The following EIF4G2 variants were observed in gnomAD, a reference collection of about 807,000 sequenced individuals.
The protein encoded by EIF4G2 is eukaryotic translation initiation factor 4 gamma 2.
A neutral mutation model predicts 117.7 loss-of-function variants in EIF4G2; 8 were observed. The observed-to-expected ratio is 0.07, with a 90% CI of 0.04 to 0.12. The LOEUF (loss-of-function observed/expected upper bound fraction) is 0.12. Ranked by LOEUF, EIF4G2 falls within the 10% of genes least tolerant of loss-of-function variation. EIF4G2 has a pLI of 1.00. For missense variants in EIF4G2, 812 were observed against 1,086.2 expected (o/e 0.75, Z 3.55); for synonymous variants, 413 against 367.8 (o/e 1.12, Z -1.41).
In EIF4G2 at chr11:10,807,222, CAAAAGGATTCCCCAAAATA is replaced by C; in HGVS notation, c.41+14_41+32del. The C allele has an allele frequency of 2.5e-6, 4 of 1,592,888 alleles. No individual in the cohort carries two copies. Among genetic ancestry groups the C allele is most frequent in the Non-Finnish European group, 3.4e-6 (4 of 1,171,820 alleles). ...AACTACTTTTTGAGACTGGCCTTTT[CAAAAGGATTCCCCAAAATA>C]AATCTACAAGTACCTGAAACGAGAA... On this transcript the variant is annotated intron_variant, in intron 2 of 21. Coordinates refer to ENST00000339995, the MANE Select transcript of EIF4G2 (RefSeq NM_001418.4).
intron 14 of EIF4G2, 82 bp from the exon 15 acceptor site, chr11:10,801,169 C>T (rs1847405751): frequency 1.9e-6 from 3 of 1,549,206 alleles, no homozygotes; most frequent in Admixed American, 1.9e-5. Flanking sequence ...AAATCCTATA[C>T]AGTGACAGAA....
chr11:10,800,765 G>A lies in EIF4G2; in HGVS notation c.1610C>T (p.Pro537Leu). 1 of 1,614,116 alleles carries A rather than the reference G, an allele frequency of 6.2e-7. No individual in the cohort carries two copies. Among genetic ancestry groups the A allele is most frequent in the Non-Finnish European group, 8.5e-7 (1 of 1,180,018 alleles). Residue 537 changes from proline (P) to leucine (L), a missense_variant, in exon 16 of 22, where the codon CCA becomes CTA. By Grantham distance (98) the Pro-to-Leu change is moderately conservative. Coordinates refer to ENST00000339995, the MANE Select transcript of EIF4G2 (RefSeq NM_001418.4). ...AAGGAGTTCTTCCTTTGACGGTGGT[G>A]GCTTTTTGCTGGTCTTGGCAGGCTT...
chr11:10,808,036 G>A lies in EIF4G2; in HGVS notation c.-86-655C>T, dbSNP rs552394037. 2.1e-3 allele frequency: 2,114 copies of A among 1,027,602 alleles called. 2 individuals are homozygous for A. Among genetic ancestry groups the A allele is most frequent in the Non-Finnish European group, 2.0e-3 (1,745 of 854,718 alleles). 63.7% of individuals were successfully genotyped at this position (1,027,602 alleles called of 1,614,324 possible). A position where few individuals can be genotyped will look rare whatever the true frequency, so the allele number is the denominator to read the frequency against. ...CCCCGCGAGGCCCGGGTCGCTCGAC[G>A]GGGAGGAGCAGCTGAGGCCACCCCC... is the stretch of plus-strand genomic sequence containing the variant. On this transcript the variant is annotated intron_variant, in intron 1 of 21. Transcript: ENST00000339995.
chr11:10,802,775 G>A (rs1287173899), intron 11 of EIF4G2, among the ~76,000 whole-genome samples: 1 of 152,164 alleles, frequency 6.6e-6, no homozygotes, highest in Non-Finnish European at 1.5e-5. Flanking sequence ...GCTGAAGCAG[G>A]AGAATCACTT....
rs1847294474 is a variant in EIF4G2 at position 10,797,631 on chromosome 11, T to C, written c.*185A>G. On this transcript the variant is annotated 3_prime_UTR_variant, in exon 22 of 22. Coordinates refer to ENST00000339995, the MANE Select transcript of EIF4G2 (RefSeq NM_001418.4). This position sits in a 1 kb window ranked among gnomAD's most constrained non-coding sequence, Gnocchi z 4.5. ...AAGATACTCCTAAAATATTTGATGGTAGACTATGATTAAGACATTACACTA... is the reference window on the plus strand; with the variant it reads ...AAGATACTCCTAAAATATTTGATGGCAGACTATGATTAAGACATTACACTA... 1 of 615,262 alleles carries C rather than the reference T, an allele frequency of 1.6e-6. No homozygotes were observed. Among genetic ancestry groups the C allele is most frequent in the Admixed American group, 3.0e-5 (1 of 32,812 alleles). 38.1% of individuals were successfully genotyped at this position (615,262 alleles called of 1,614,324 possible). A position where few individuals can be genotyped will look rare whatever the true frequency, so the allele number is the denominator to read the frequency against.
chr11:10,800,890 G>T, intron 15 of EIF4G2, 55 bp from the exon 16 acceptor site: 2 of 1,612,056 alleles, frequency 1.2e-6, no homozygotes, highest in Non-Finnish European at 1.7e-6. Context: ...GAAATTAGGG[G>T]GAAGAACACA....
intron 11 of EIF4G2, among the ~76,000 whole-genome samples, 157 bp downstream of exon 11, chr11:10,802,873 T>TA (rs1023591204): frequency 2.6e-5 from 4 of 151,662 alleles, no homozygotes; most frequent in Admixed American, 2.6e-4. Flanking sequence ...TCTCAAAAAA[T>TA]AAAAAAATAA....
chr11:10,798,080 T>TTG (rs1341894227), intron 21 of EIF4G2, among the ~76,000 whole-genome samples, 199 bp from the exon 22 acceptor site: 2 of 152,236 alleles, frequency 1.3e-5, no homozygotes, highest in Non-Finnish European at 2.9e-5. Context: ...CCTGCAAGGA[T>TTG]GATCCTCGTG....
In EIF4G2 at chr11:10,804,970, A is replaced by G; in HGVS notation, c.294T>C (p.Leu98=). ...ACTCTACACCCACATTGAGGAGCTC[A>G]AGGCATAGCTTGTCAAACTTTTCAG... Residue 98 remains leucine (L), a synonymous_variant, in exon 5 of 22, where the codon CTT becomes CTC. Coordinates refer to ENST00000339995, the MANE Select transcript of EIF4G2 (RefSeq NM_001418.4). The G allele has an allele frequency of 6.2e-7, 1 of 1,613,686 alleles. No homozygotes were observed. The highest frequency in any genetic ancestry group is 8.5e-7 in the Non-Finnish European group (1 of 1,179,582).
At position 10,802,280 on chromosome 11, in the gene EIF4G2, T is replaced by G. The variant is rs1470765273; in HGVS notation, c.1138+14A>C. On this transcript the variant is annotated intron_variant, in intron 12 of 21. Transcript: ENST00000339995. ...TTTTTCAGCTTAACGCAACCATTGT[T>G]TTTTCAAAATTACCTGGCATTTGTC... 1 of 1,611,284 alleles carries G rather than the reference T, an allele frequency of 6.2e-7. No homozygotes were observed. Among genetic ancestry groups the G allele is most frequent in the Non-Finnish European group, 8.5e-7 (1 of 1,178,620 alleles).
Position 10,800,277 on chromosome 11 carries a change from T to C in EIF4G2, c.1932A>G (p.Ala644=), listed in dbSNP as rs747571339. The C allele has an allele frequency of 5.0e-6, 8 of 1,614,114 alleles. No homozygotes were observed. In the African/African-American group the frequency reaches 5.3e-5, roughly 11 times the overall value. Residue 644 remains alanine (A), a synonymous_variant, in exon 18 of 22, where the codon GCA becomes GCG. Coordinates refer to ENST00000339995, the MANE Select transcript of EIF4G2 (RefSeq NM_001418.4). ...AAATGATGGCACGAGCTGCAAACTG[T>C]GCTAAATAGGATTTCACCAAAGGGA...
Position 10,800,475 on chromosome 11 carries a change from A to G in EIF4G2, c.1817T>C (p.Leu606Ser), listed in dbSNP as rs1847386222. The change falls in exon 17 of 22, where the codon TTA becomes TCA. Residue 606 changes from leucine (L) to serine (S), a missense_variant. Transcript: ENST00000339995. ...TGTGGCTATCCCTTCCTGTTTGAGT[A>G]AACTGATCAAAGAACTTGCTTTTTC... 1 of 1,614,086 alleles carries G rather than the reference A, an allele frequency of 6.2e-7. No homozygotes were observed. The highest frequency in any genetic ancestry group is 1.7e-5 in the Admixed American group (1 of 60,012).
Position 10,800,726 on chromosome 11 carries a change from C to CT in EIF4G2, c.1644+4dup. Reference sequence around the variant, plus strand: ...TTACACTAAAATGGGATATTTGAAACTTACAGTTAGTTTAAGGAGTTCTTC... The same window carrying CT: ...TTACACTAAAATGGGATATTTGAAACTTTACAGTTAGTTTAAGGAGTTCTTC... On this transcript the variant is annotated splice_donor_region_variant and intron_variant, in intron 16 of 21. Coordinates refer to ENST00000339995, the MANE Select transcript of EIF4G2 (RefSeq NM_001418.4). 1 of 1,614,128 alleles carries CT rather than the reference C, an allele frequency of 6.2e-7. No individual in the cohort carries two copies. The highest frequency in any genetic ancestry group is 8.5e-7 in the Non-Finnish European group (1 of 1,180,012).
chr11:10,804,126 A>C lies in EIF4G2; in HGVS notation c.550+11T>G, dbSNP rs200290789. ...TATACAGTAGTACTTATTATCAGCT[A>C]TAAGTCTTACCATCAACATTTCTAG... On this transcript the variant is annotated intron_variant, in intron 7 of 21. Coordinates refer to ENST00000339995, the MANE Select transcript of EIF4G2 (RefSeq NM_001418.4). The C allele has an allele frequency of 1.1e-5, 17 of 1,614,032 alleles. No individual in the cohort carries two copies. Among genetic ancestry groups the C allele is most frequent in the Admixed American group, 1.7e-5 (1 of 60,010 alleles).
chr11:10,804,794 A>T (rs2242360), intron 5 of EIF4G2, 119 bp downstream of exon 5: 2 of 765,844 alleles, frequency 2.6e-6, no homozygotes, highest in East Asian at 5.2e-5. Flanking sequence ...TCAAAAATAC[A>T]TACCTATCTA....
chr11:10,799,456 C>A, intron 19 of EIF4G2, 32 bp from the exon 20 acceptor site: 2 of 1,610,862 alleles, frequency 1.2e-6, no homozygotes, highest in South Asian at 2.2e-5. Context: ...TAGAACCCAA[C>A]AGTGAGTTTT....
chr11:10,807,443 T>C, intron 1 of EIF4G2, 62 bp from the exon 2 acceptor site: 1 of 1,471,994 alleles, frequency 6.8e-7, no homozygotes, highest in Non-Finnish European at 8.9e-7. Context: ...AAGCCTTCAT[T>C]CAATTACAAC....
At position 10,801,061 on chromosome 11, in the gene EIF4G2, G is replaced by C. The variant is rs1590040454; in HGVS notation, c.1440C>G (p.Phe480Leu). The C allele has an allele frequency of 6.2e-7, 1 of 1,614,116 alleles. No homozygotes were observed. Among genetic ancestry groups the C allele is most frequent in the Non-Finnish European group, 8.5e-7 (1 of 1,179,994 alleles). The change falls in exon 15 of 22, where the codon TTC (phenylalanine) becomes TTG (leucine). Residue 480 changes from phenylalanine (F) to leucine (L), a missense_variant. Phe to Leu is a conservative substitution (Grantham distance 22). This residue lies in a region of EIF4G2 where 571 missense variants were observed against 642.3 expected (regional missense o/e 0.89). Coordinates refer to ENST00000339995, the MANE Select transcript of EIF4G2 (RefSeq NM_001418.4). ...TTGGCACTTGATTTTTATTCATTAG[G>C]AACGACTGAGCAGGCCTCAGGCTAA...
At chr11:10,807,822 TCCCCGTGGAGA>T in intron 1 of EIF4G2, 1 of 990,524 alleles carries the variant, frequency 1.0e-6, no homozygotes, top group Non-Finnish European at 1.2e-6. Context: ...TTTCGCCTCC[TCCCCGTGGAGA>T]GCTCGTGGAA....
Sources: gnomAD v4.1 joint callset for allele counts (sites outside exome capture counted in the v4.1 genomes callset) on GRCh38, gnomAD v4.1.1 for gene constraint, gnomAD v4.1.1 regional missense constraint, Gnocchi (gnomAD v3.1) non-coding constraint, MANE v1.5 for transcripts, NCBI Gene and HGNC (gene_info 2026-07-23, HGNC 2026-07-21) for gene names.